The following GRM8 variants were observed in gnomAD, a reference collection of about 807,000 sequenced individuals.
The protein encoded by GRM8 is glutamate metabotropic receptor 8.
GRM8 carries 47 observed loss-of-function variants against 87.2 expected under a neutral mutation model. The observed-to-expected ratio is 0.54, with a 90% CI of 0.43 to 0.69. The LOEUF is 0.69. Among genes scored for constraint, GRM8 ranks in the 30% least tolerant of loss-of-function variants. GRM8 has a pLI of 0.00. For synonymous variants in GRM8, 396 were observed against 404.5 expected (o/e 0.98, Z 0.25); for missense variants, 1,019 against 1,139.2 (o/e 0.89, Z 1.52).
intron 7 of GRM8, among the ~76,000 whole-genome samples, chr7:126,634,518 T>C (rs1801655959): frequency 1.3e-5 from 2 of 152,158 alleles, no homozygotes; most frequent in African/African-American, 2.4e-5. Context: ...CAATGTTATC[T>C]TAAACCCCTA....
chr7:126,636,395 T>C (rs1801854758), intron 7 of GRM8, among the ~76,000 whole-genome samples: 1 of 152,056 alleles, frequency 6.6e-6, no homozygotes, highest in African/African-American at 2.4e-5. Context: ...ATGTACATCC[T>C]CCTGTATATT....
At chr7:126,467,447 A>G (rs978998055) in intron 9 of GRM8, among the ~76,000 whole-genome samples, 6 of 151,972 alleles carry the variant, frequency 3.9e-5, no homozygotes, top group Non-Finnish European at 8.8e-5. Flanking sequence ...TGCTTTTTTC[A>G]TATTCCATTT....
chr7:127,216,523 A>AAAAAT (rs1796554228), intron 2 of GRM8, among the ~76,000 whole-genome samples: 1 of 150,554 alleles, frequency 6.6e-6, no homozygotes, highest in Non-Finnish European at 1.5e-5. Flanking sequence ...GTCTCAAAAA[A>AAAAAT]AAAAAAAAAA....
rs1043259869 is a variant in GRM8 at position 126,716,259 on chromosome 7, A to G, written c.1357+53606T>C. ...TTTCCTTACATATAGTCAGGGTCTT[A>G]GACTCCTGAATTGTAGTCTAATTGG... On this transcript the variant is annotated intron_variant, in intron 7 of 10. Coordinates refer to ENST00000339582, the MANE Select transcript of GRM8 (RefSeq NM_000845.3). Among the ~76,000 whole-genome samples, 11 of 150,116 alleles carry G rather than the reference A, an allele frequency of 7.3e-5. 1 individual carries two copies. Among genetic ancestry groups the G allele is most frequent in the Non-Finnish European group, 1.6e-4 (11 of 67,712 alleles).
At chr7:126,627,554 T>C (rs1173527217) in intron 7 of GRM8, among the ~76,000 whole-genome samples, 1 of 152,198 alleles carries the variant, frequency 6.6e-6, no homozygotes, top group Non-Finnish European at 1.5e-5. Context: ...TCTTTTCTTA[T>C]TGTACTATCT....
At chr7:127,195,374 G>T (rs979371117) in intron 2 of GRM8, among the ~76,000 whole-genome samples, 1 of 152,064 alleles carries the variant, frequency 6.6e-6, no homozygotes, top group African/African-American at 2.4e-5. Context: ...ATATTGTTAT[G>T]ACTACCTGGA....
intron 2 of GRM8, among the ~76,000 whole-genome samples, chr7:127,237,587 T>TGAAA (rs1170333204): frequency 1.3e-5 from 2 of 152,224 alleles, no homozygotes; most frequent in African/African-American, 4.8e-5. Flanking sequence ...TGAAGATCAA[T>TGAAA]TTTAGCCATT....
Position 126,640,736 on chromosome 7 carries a change from C to A in GRM8, c.1358-31238G>T, listed in dbSNP as rs1020471702. On this transcript the variant is annotated intron_variant, in intron 7 of 10. Transcript: ENST00000339582. ...AACTAGAGTAGTTGTTCTGGACCTT[C>A]CCCCCCTCCTACCCAATCTTCCTTC... is the stretch of plus-strand genomic sequence containing the variant. 2.0e-5 allele frequency among the ~76,000 whole-genome samples: 3 copies of A among 152,064 alleles called. No individual in the cohort carries two copies. In the East Asian group the frequency reaches 5.8e-4, roughly 29 times the overall value.
At chr7:126,709,333 G>T (rs1480343485) in intron 7 of GRM8, among the ~76,000 whole-genome samples, 1 of 152,098 alleles carries the variant, frequency 6.6e-6, no homozygotes, top group Non-Finnish European at 1.5e-5. Flanking sequence ...TGAAGTGGGA[G>T]GATTGTGTCA....
intron 10 of GRM8, among the ~76,000 whole-genome samples, chr7:126,443,897 A>C (rs1801726631): frequency 6.6e-6 from 1 of 152,018 alleles, no homozygotes; most frequent in South Asian, 2.1e-4. Flanking sequence ...TCTTATCAAT[A>C]CTGAGAATTT....
intron 6 of GRM8, among the ~76,000 whole-genome samples, chr7:126,878,196 T>C (rs1799698386): frequency 2.6e-5 from 4 of 152,210 alleles, no homozygotes; most frequent in Admixed American, 2.6e-4. Flanking sequence ...AGTGAATAGA[T>C]GACTAATACT....
intron 2 of GRM8, among the ~76,000 whole-genome samples, chr7:127,169,061 A>C (rs532822125): frequency 1.3e-5 from 2 of 151,138 alleles, no homozygotes; most frequent in South Asian, 4.2e-4. Flanking sequence ...TGTGGAATAA[A>C]AATCAAAAAT....
At chr7:127,224,861 C>T (rs11496165) in intron 2 of GRM8, among the ~76,000 whole-genome samples, 19,970 of 152,118 alleles carry the variant, frequency 0.13, 1,680 homozygotes, top group Middle Eastern at 0.18. Flanking sequence ...GCAATCTGCC[C>T]GCCTTGGCCT....
intron 7 of GRM8, among the ~76,000 whole-genome samples, chr7:126,713,331 C>A (rs1811329928): frequency 6.6e-6 from 1 of 151,756 alleles, no homozygotes; most frequent in Non-Finnish European, 1.5e-5. Context: ...TCATTCTCAG[C>A]AAACTAACAC....
chr7:126,781,930 G>A (rs534617042), intron 6 of GRM8, among the ~76,000 whole-genome samples: 1 of 151,922 alleles, frequency 6.6e-6, no homozygotes, highest in Non-Finnish European at 1.5e-5. Context: ...TTCCCAGGCT[G>A]GTTTTAAACT....
At chr7:126,641,864 T>C (rs566485456) in intron 7 of GRM8, among the ~76,000 whole-genome samples, 25 of 152,244 alleles carry the variant, frequency 1.6e-4, no homozygotes, top group Non-Finnish European at 3.1e-4. Context: ...CACATGTCTC[T>C]TGTGGCAAAA....
intron 2 of GRM8, among the ~76,000 whole-genome samples, chr7:127,144,108 A>G (rs188255086): frequency 6.6e-6 from 1 of 152,246 alleles, no homozygotes; most frequent in Non-Finnish European, 1.5e-5. Flanking sequence ...TAGCAGATAC[A>G]GGATTGTTTT....
At chr7:126,614,042 C>T (rs142220926) in intron 7 of GRM8, among the ~76,000 whole-genome samples, 1,949 of 152,316 alleles carry the variant, frequency 0.013, 13 homozygotes, top group Non-Finnish European at 0.019. Context: ...GTTCTCCCAG[C>T]ACGGAGTTTG....
At chr7:127,051,052 A>G (rs17869418) in intron 3 of GRM8, among the ~76,000 whole-genome samples, 1,533 of 152,300 alleles carry the variant, frequency 0.01, 22 homozygotes, top group African/African-American at 0.033. Flanking sequence ...CAGATTTATT[A>G]TATGATATAC....
Sources: gnomAD v4.1 joint callset for allele counts (sites outside exome capture counted in the v4.1 genomes callset) on GRCh38, gnomAD v4.1.1 for gene constraint, MANE v1.5 for transcripts, NCBI Gene and HGNC (gene_info 2026-07-23, HGNC 2026-07-21) for gene names.